OR2AT4: variants seen among roughly 807,000 people sequenced by gnomAD.
OR2AT4 encodes the protein olfactory receptor 2AT4.
Under a neutral mutation model 10.3 loss-of-function variants are expected in OR2AT4, and 6 were observed. That is an observed-to-expected ratio of 0.58 (90% CI 0.32 to 1.15). OR2AT4 has a LOEUF of 1.15. Ranked by LOEUF, OR2AT4 falls within the 50% of genes most tolerant of loss-of-function variation. OR2AT4 has a pLI of 0.05. For missense variants in OR2AT4, 354 were observed against 393.8 expected (o/e 0.90, Z 0.85); for synonymous variants, 145 against 159.1 (o/e 0.91, Z 0.67).
chr11:75,082,680 G>A (rs1186704807), exon 2 of OR2AT4: 1 of 152,108 alleles, frequency 6.6e-6, no homozygotes, highest in Non-Finnish European at 1.5e-5. Context: ...AAAAACAACT[G>A]CAACAAAAAC....
At chr11:75,085,984 T>G (rs1404204845) in exon 2 of OR2AT4, 1 of 152,190 alleles carries the variant, frequency 6.6e-6, no homozygotes, top group Admixed American at 6.5e-5. Flanking sequence ...CGGTAAAGGA[T>G]AGACATATAT....
chr11:75,085,886 C>T (rs1949288009), exon 2 of OR2AT4: 1 of 151,948 alleles, frequency 6.6e-6, no homozygotes, highest in Non-Finnish European at 1.5e-5. Flanking sequence ...AACCAAACAA[C>T]TGCAAAAAAA....
chr11:75,095,930 G>A (rs1295797184), intron 1 of OR2AT4, among the ~76,000 whole-genome samples: 1 of 151,972 alleles, frequency 6.6e-6, no homozygotes, highest in Admixed American at 6.6e-5. Context: ...TGCCCGCCTC[G>A]GCCTCCCAAA....
In OR2AT4 at chr11:75,089,124, G is replaced by A. The variant is rs777143695; in HGVS notation, c.590C>T (p.Thr197Ile). The A allele has an allele frequency of 8.1e-6, 13 of 1,613,952 alleles. No homozygotes were observed. The Admixed American group carries it at 1.2e-4, about 14-fold the overall frequency. The change falls in exon 2 of 2, where the codon ACC becomes ATC. Residue 197 changes from threonine to isoleucine, a missense_variant. Coordinates refer to ENST00000641504, the Ensembl canonical transcript of OR2AT4. ...GAAGCCCATGAGGGTCTGGGGGGTG[G>A]TGTCAGAGCAGGAGGCCTGGACCAC...
chr11:75,090,006 G>A (rs2140279578), exon 2 of OR2AT4: 2 of 323,490 alleles, frequency 6.2e-6, no homozygotes, highest in Non-Finnish European at 5.6e-6. Context: ...TCAAATTGAA[G>A]AAGGCAGGCA....
At chr11:75,089,395 A>G (rs1333157287) in exon 2 of OR2AT4, 1 of 1,614,178 alleles carries the variant, frequency 6.2e-7, no homozygotes, top group Admixed American at 1.7e-5. Flanking sequence ...TGGAAGAGGT[A>G]CATCTGCAGT....
chr11:75,084,744 C>A (rs1328681311), exon 2 of OR2AT4: 1 of 152,138 alleles, frequency 6.6e-6, no homozygotes, highest in Non-Finnish European at 1.5e-5. Flanking sequence ...TTGGGAAAAT[C>A]TTCCAAATAT....
rs556380402 is a variant in OR2AT4 at position 75,093,810 on chromosome 11, C to CTTTTTTTTTTTTTTTTTTTTTTTTT, written c.-652+2993_-652+3017dup. ...TTTTCTTTTTTTTCTTTTTCTTTTT[C>CTTTTTTTTTTTTTTTTTTTTTTTTT]TTTTTTTTTTTTTTTTTTTTTTTTT... On this transcript the variant is annotated intron_variant, in intron 1 of 1. Transcript: ENST00000641504. Among the ~76,000 whole-genome samples, 151 of 61,824 alleles carry CTTTTTTTTTTTTTTTTTTTTTTTTT rather than the reference C, an allele frequency of 2.4e-3. 1 individual carries two copies. Among genetic ancestry groups the CTTTTTTTTTTTTTTTTTTTTTTTTT allele is most frequent in the Non-Finnish European group, 3.3e-3 (117 of 35,424 alleles). The allele number at this position is 61,824 out of a possible 152,430, so 40.6% of individuals were successfully genotyped here. A position where few individuals can be genotyped will look rare whatever the true frequency, so the allele number is the denominator to read the frequency against.
chr11:75,094,384 C>G (rs112125266), intron 1 of OR2AT4, among the ~76,000 whole-genome samples: 30 of 152,106 alleles, frequency 2.0e-4, no homozygotes, highest in African/African-American at 7.2e-4. Context: ...AGAGTTTGTT[C>G]TTTAGTTTCC....
At chr11:75,093,114 A>C (rs1949327642) in intron 1 of OR2AT4, among the ~76,000 whole-genome samples, 1 of 152,148 alleles carries the variant, frequency 6.6e-6, no homozygotes, top group South Asian at 2.1e-4. Context: ...TAAATAAATA[A>C]ATGTTTTTTG....
At position 75,089,765 on chromosome 11, in the gene OR2AT4, T is replaced by C. The variant is rs181681698; in HGVS notation, c.-52A>G. On this transcript the variant is annotated 5_prime_UTR_variant, in exon 2 of 2. An upstream start codon of the reference 5' UTR is lost. Transcript: ENST00000641504. ...GATGGGCAGCTGGAACATCTAGACA[T>C]TGGAAACATCTGGAAACCATAGAAA... 1.2e-5 allele frequency: 18 copies of C among 1,548,684 alleles called. No individual in the cohort carries two copies. The highest frequency in any genetic ancestry group is 9.0e-5 in the East Asian group (4 of 44,500).
At chr11:75,095,149 G>A (rs1949340369) in intron 1 of OR2AT4, among the ~76,000 whole-genome samples, 1 of 152,182 alleles carries the variant, frequency 6.6e-6, no homozygotes, top group Admixed American at 6.6e-5. Flanking sequence ...CAGAAATAGT[G>A]TCTTTTCAAG....
At chr11:75,082,724 C>A (rs1379372002) in exon 2 of OR2AT4, 3 of 152,094 alleles carry the variant, frequency 2.0e-5, no homozygotes, top group African/African-American at 7.2e-5. Context: ...TTAAACTAAA[C>A]AGTTTCTGCA....
exon 2 of OR2AT4, chr11:75,085,008 G>A (rs1269424050): frequency 1.3e-5 from 2 of 151,836 alleles, no homozygotes; most frequent in African/African-American, 4.8e-5. Flanking sequence ...CCCAAAGTAT[G>A]TAGAAGGAAA....
exon 2 of OR2AT4, chr11:75,089,826 C>T: frequency 9.3e-7 from 1 of 1,077,750 alleles, no homozygotes; most frequent in Non-Finnish European, 1.3e-6. Context: ...ATAATGTTTA[C>T]TCTGTAGGTA....
chr11:75,089,124 G>T (rs777143695), exon 2 of OR2AT4: 1 of 1,614,070 alleles, frequency 6.2e-7, no homozygotes, highest in South Asian at 1.1e-5. Context: ...CTGGGGGGTG[G>T]TGTCAGAGCA....
rs534492775 is a variant in OR2AT4, at chr11:75,093,284, C to T, written c.-651-2920G>A. The stretch of plus-strand genomic sequence containing the variant: ...GACTTTTCATCTCTCCTATCAGCTA[C>T]GCTGTTCAGCAGGTGTTTCTGATTA... On this transcript the variant is annotated intron_variant, in intron 1 of 1. Coordinates refer to ENST00000641504, the Ensembl canonical transcript of OR2AT4. Among the ~76,000 whole-genome samples the T allele has an allele frequency of 5.3e-5, 8 of 152,292 alleles. No homozygotes were observed. In the South Asian group the frequency reaches 1.2e-3, roughly 24 times the overall value.
exon 2 of OR2AT4, chr11:75,084,279 T>C (rs530161891): frequency 1.3e-5 from 2 of 152,314 alleles, no homozygotes; most frequent in East Asian, 3.9e-4. Flanking sequence ...GGATCATTCA[T>C]ATCCCAAACC....
exon 2 of OR2AT4, chr11:75,089,883 G>A: frequency 1.5e-6 from 1 of 676,206 alleles, no homozygotes; most frequent in South Asian, 2.6e-5. Context: ...CTGATGAGGG[G>A]CTATGGTATT....
Sources: gnomAD v4.1 joint callset for allele counts (sites outside exome capture counted in the v4.1 genomes callset) on GRCh38, gnomAD v4.1.1 for gene constraint, MANE v1.5 for transcripts, NCBI Gene and HGNC (gene_info 2026-07-23, HGNC 2026-07-21) for gene names.